The following UHRF2 variants were observed in gnomAD, a reference collection of about 807,000 sequenced individuals.
The protein encoded by UHRF2 is E3 ubiquitin-protein ligase UHRF2.
Under a neutral mutation model 96.8 loss-of-function variants are expected in UHRF2, and 23 were observed. The observed-to-expected ratio is 0.24, with a 90% CI of 0.17 to 0.34. UHRF2 has a LOEUF of 0.34. UHRF2 is among the 10% of genes least tolerant of loss of function. The pLI, the probability that UHRF2 is intolerant of heterozygous loss-of-function variation, is 1.00. For synonymous variants in UHRF2, 385 were observed against 332.6 expected (o/e 1.16, Z -1.72); for missense variants, 685 against 981.5 (o/e 0.70, Z 4.04).
In UHRF2 at chr9:6,486,847, C is replaced by G. The variant is rs1338695052; in HGVS notation, c.1419C>G (p.Pro473=). 2 of 1,613,962 alleles carry G rather than the reference C, an allele frequency of 1.2e-6. No homozygotes were observed. Among genetic ancestry groups the G allele is most frequent in the East Asian group, 2.2e-5 (1 of 44,882 alleles). Residue 473 remains proline, a synonymous_variant, in exon 9 of 16, where the codon CCC becomes CCG. Coordinates refer to ENST00000276893, the MANE Select transcript of UHRF2 (RefSeq NM_152896.3). ...VQVSEAGVHR[P]HVGGIHGRSN... is the part of the protein sequence containing the mutation. ...TGAGCGAAGCAGGTGTTCACAGACC[C>G]CATGTTGGTGGAATTCATGGTCGAA...
intron 3 of UHRF2, among the ~76,000 whole-genome samples, chr9:6,438,187 T>C (rs974754387): frequency 6.6e-6 from 1 of 152,186 alleles, no homozygotes; most frequent in African/African-American, 2.4e-5. Flanking sequence ...AGAAGGGAAG[T>C]TTCAGGATAA....
intron 9 of UHRF2, among the ~76,000 whole-genome samples, chr9:6,491,195 A>G (rs1824635980): frequency 6.6e-6 from 1 of 152,228 alleles, no homozygotes; most frequent in South Asian, 2.1e-4. Context: ...TAGTTTGCTC[A>G]GTGTTCAGGA....
chr9:6,421,254 A>G, intron 2 of UHRF2, 112 bp downstream of exon 2: 1 of 808,700 alleles, frequency 1.2e-6, no homozygotes. Flanking sequence ...AAAGATTGGG[A>G]TGTTAATATC....
At chr9:6,451,294 T>G (rs779834566) in intron 3 of UHRF2, among the ~76,000 whole-genome samples, 2 of 152,210 alleles carry the variant, frequency 1.3e-5, no homozygotes, top group African/African-American at 2.4e-5. Flanking sequence ...TTGTGTAGTT[T>G]CGTTCATTAT....
At chr9:6,491,884 A>G (rs149651367) in intron 9 of UHRF2, among the ~76,000 whole-genome samples, 3 of 152,304 alleles carry the variant, frequency 2.0e-5, no homozygotes, top group Non-Finnish European at 2.9e-5. Context: ...TTATTTTTCC[A>G]TAGGAAAAAT....
intron 9 of UHRF2, among the ~76,000 whole-genome samples, chr9:6,487,354 AATTT>A (rs1587865837): frequency 6.6e-6 from 1 of 151,598 alleles, no homozygotes; most frequent in South Asian, 2.1e-4. Context: ...ACACCTGGCT[AATTT>A]TTGTATTTTT....
At chr9:6,436,328 T>A (rs1432812761) in intron 3 of UHRF2, among the ~76,000 whole-genome samples, 3 of 152,192 alleles carry the variant, frequency 2.0e-5, no homozygotes, top group African/African-American at 4.8e-5. Context: ...ATGGTAATAG[T>A]ACCAACGATT....
At chr9:6,422,743 G>A in intron 2 of UHRF2, 1 of 488,342 alleles carries the variant, frequency 2.0e-6, no homozygotes, top group Non-Finnish European at 3.8e-6. Flanking sequence ...CAAAGTGCTG[G>A]GATACAGGCG....
At chr9:6,455,351 A>G (rs968391019) in intron 3 of UHRF2, among the ~76,000 whole-genome samples, 3 of 151,884 alleles carry the variant, frequency 2.0e-5, no homozygotes, top group Non-Finnish European at 4.4e-5. Flanking sequence ...AAGTGTTGTC[A>G]TTGTTCAATT....
intron 2 of UHRF2, among the ~76,000 whole-genome samples, chr9:6,424,077 T>A (rs1284490523): frequency 6.6e-6 from 1 of 152,228 alleles, no homozygotes; most frequent in Non-Finnish European, 1.5e-5. Context: ...TCATGCTTCC[T>A]TATTTGACAT....
chr9:6,457,664 A>G (rs1474678313), intron 3 of UHRF2, among the ~76,000 whole-genome samples: 1 of 152,148 alleles, frequency 6.6e-6, no homozygotes, highest in Non-Finnish European at 1.5e-5. Flanking sequence ...AGCTCTTATT[A>G]TTTTGAGATA....
chr9:6,484,616 T>C (rs1450656163), intron 8 of UHRF2: 1 of 150,334 alleles, frequency 6.7e-6, no homozygotes, highest in East Asian at 1.9e-4. Flanking sequence ...TTCACCATAT[T>C]GCCCAGACTG....
intron 2 of UHRF2, among the ~76,000 whole-genome samples, chr9:6,423,943 T>A (rs1820083022): frequency 6.9e-6 from 1 of 145,928 alleles, no homozygotes; most frequent in Admixed American, 7.0e-5. Context: ...AGACTCAGTA[T>A]CAAAAAAAAT....
intron 4 of UHRF2, among the ~76,000 whole-genome samples, chr9:6,462,704 G>A (rs996495089): frequency 4.6e-5 from 7 of 151,660 alleles, no homozygotes; most frequent in African/African-American, 1.7e-4. Context: ...GGATCATGAG[G>A]TCAGGAGTTC....
At chr9:6,429,301 A>G (rs1820442072) in intron 2 of UHRF2, among the ~76,000 whole-genome samples, 1 of 152,240 alleles carries the variant, frequency 6.6e-6, no homozygotes, top group South Asian at 2.1e-4. Context: ...GGACCTCATT[A>G]GAAAATGGGA....
intron 2 of UHRF2, among the ~76,000 whole-genome samples, chr9:6,433,032 G>C (rs919519977): frequency 6.6e-6 from 1 of 151,970 alleles, no homozygotes; most frequent in African/African-American, 2.4e-5. Flanking sequence ...GTAGAGACGG[G>C]GTTTCACTAT....
intron 4 of UHRF2, among the ~76,000 whole-genome samples, chr9:6,466,551 GAAAAAAAAA>G (rs34552859): frequency 6.3e-5 from 7 of 110,950 alleles, no homozygotes; most frequent in African/African-American, 1.3e-4. Context: ...AAAAAAAAAG[GAAAAAAAAA>G]AAAAAAAAAA....
intron 2 of UHRF2, among the ~76,000 whole-genome samples, chr9:6,423,416 A>C (rs1414873370): frequency 6.6e-6 from 1 of 152,192 alleles, no homozygotes; most frequent in Non-Finnish European, 1.5e-5. Flanking sequence ...CTAGTCAGCA[A>C]ATAGAATTAT....
intron 3 of UHRF2, among the ~76,000 whole-genome samples, chr9:6,458,443 C>G (rs1412559559): frequency 6.6e-6 from 1 of 150,478 alleles, no homozygotes; most frequent in Non-Finnish European, 1.5e-5. Context: ...AAACCAGCTC[C>G]TGGATTGTTG....
Sources: allele counts gnomAD v4.1 joint callset (sites outside exome capture counted in the v4.1 genomes callset), GRCh38; gene constraint gnomAD v4.1.1; transcripts MANE v1.5; gene names NCBI Gene and HGNC (gene_info 2026-07-23, HGNC 2026-07-21).